Variants in ADARB1 observed in about 807,000 individuals in gnomAD.
ADARB1 encodes the protein double-stranded RNA-specific editase 1.
A neutral mutation model predicts 52.4 loss-of-function variants in ADARB1; 10 were observed. That is an observed-to-expected ratio of 0.19 (90% CI 0.12 to 0.32). ADARB1 has a LOEUF of 0.32. Among genes scored for constraint, ADARB1 ranks in the 10% least tolerant of loss-of-function variants. The pLI, the probability that ADARB1 is intolerant of heterozygous loss-of-function variation, is 1.00. For synonymous variants in ADARB1, 349 were observed against 371.1 expected, an observed-to-expected ratio of 0.94 and a Z score of 0.68; for missense variants, 643 against 922.3, an observed-to-expected ratio of 0.70 and a Z score of 3.92.
chr21:45,163,632 G>C (rs3788170), intron 2 of ADARB1, among the ~76,000 whole-genome samples: 16,567 of 152,302 alleles, frequency 0.11, 1,263 homozygotes, highest in African/African-American at 0.21. Context: ...GGAATCCACA[G>C]CTCCATCCAC....
intron 1 of ADARB1, among the ~76,000 whole-genome samples, chr21:45,108,651 G>C (rs1018405984): frequency 6.6e-6 from 1 of 152,070 alleles, no homozygotes; most frequent in Admixed American, 6.5e-5. Context: ...TAAACCTAGG[G>C]GTTTAAATTT....
chr21:45,167,125 G>C (rs1292145408), intron 2 of ADARB1, among the ~76,000 whole-genome samples: 1 of 152,208 alleles, frequency 6.6e-6, no homozygotes, highest in Non-Finnish European at 1.5e-5. Context: ...GAGATTTGTA[G>C]CTCCCATTCT....
At chr21:45,207,451 G>A (rs2092687638) in intron 9 of ADARB1, among the ~76,000 whole-genome samples, 1 of 152,170 alleles carries the variant, frequency 6.6e-6, no homozygotes, top group Non-Finnish European at 1.5e-5. Context: ...TGAAGCCGAA[G>A]GCAAGTAATG....
intron 8 of ADARB1, among the ~76,000 whole-genome samples, chr21:45,189,394 G>A (rs1438926885): frequency 6.6e-6 from 1 of 152,048 alleles, no homozygotes; most frequent in Non-Finnish European, 1.5e-5. Flanking sequence ...TGTTATTGAA[G>A]TCACAAATTA....
intron 2 of ADARB1, among the ~76,000 whole-genome samples, chr21:45,161,434 G>A (rs1221953784): frequency 6.6e-6 from 1 of 152,234 alleles, no homozygotes; most frequent in East Asian, 1.9e-4. Flanking sequence ...GCCGAGCTGG[G>A]ACACTGTCAC....
chr21:45,199,841 A>G (rs1467937794), intron 8 of ADARB1, among the ~76,000 whole-genome samples: 1 of 152,216 alleles, frequency 6.6e-6, no homozygotes, highest in African/African-American at 2.4e-5. Flanking sequence ...GCACAAAGCC[A>G]TCCATTTGGA....
chr21:45,096,476 G>A (rs1054365381), intron 1 of ADARB1, among the ~76,000 whole-genome samples: 5 of 152,194 alleles, frequency 3.3e-5, no homozygotes, highest in Non-Finnish European at 7.3e-5. Context: ...ACACTGCCCT[G>A]CCCTGAGGCT....
intron 2 of ADARB1, among the ~76,000 whole-genome samples, chr21:45,161,618 T>C (rs1405262571): frequency 1.3e-5 from 2 of 152,186 alleles, no homozygotes; most frequent in Non-Finnish European, 2.9e-5. Flanking sequence ...CTGGATGCCA[T>C]GCACACTGTG....
intron 1 of ADARB1, among the ~76,000 whole-genome samples, chr21:45,110,309 T>C (rs1407541593): frequency 6.6e-6 from 1 of 152,224 alleles, no homozygotes; most frequent in African/African-American, 2.4e-5. Flanking sequence ...CATCTGTTTA[T>C]TCTATGAAAT....
intron 9 of ADARB1, among the ~76,000 whole-genome samples, chr21:45,214,149 G>A (rs1354643594): frequency 6.6e-6 from 1 of 152,154 alleles, no homozygotes; most frequent in East Asian, 1.9e-4. Flanking sequence ...GAAGTTGAAT[G>A]CCCTTTCACA....
chr21:45,109,123 C>T (rs1377721970), intron 1 of ADARB1, among the ~76,000 whole-genome samples: 2 of 151,504 alleles, frequency 1.3e-5, no homozygotes, highest in Non-Finnish European at 3.0e-5. Context: ...GCGCTGCTGC[C>T]TCCTCCTGTA....
At chr21:45,173,117 T>C (rs962645321) in intron 3 of ADARB1, among the ~76,000 whole-genome samples, 3 of 152,252 alleles carry the variant, frequency 2.0e-5, no homozygotes, top group Non-Finnish European at 4.4e-5. Flanking sequence ...TTTGTGATCG[T>C]GTAGGTTCTG....
intron 9 of ADARB1, among the ~76,000 whole-genome samples, chr21:45,211,254 G>T (rs1023578360): frequency 6.6e-6 from 1 of 152,190 alleles, no homozygotes; most frequent in Non-Finnish European, 1.5e-5. Flanking sequence ...AGGCTCAAAG[G>T]TGCTCTGCTC....
At chr21:45,214,361 C>T (rs951825456) in intron 9 of ADARB1, among the ~76,000 whole-genome samples, 57 of 152,240 alleles carry the variant, frequency 3.7e-4, no homozygotes, top group African/African-American at 1.3e-3. Flanking sequence ...TAGTGTCTTA[C>T]GCAAACCACA....
chr21:45,077,184 G>A lies in ADARB1; in HGVS notation c.-220+2391G>A, dbSNP rs368164185. Among the ~76,000 whole-genome samples, 51 of 152,334 alleles carry A rather than the reference G, an allele frequency of 3.3e-4. No individual in the cohort carries two copies. The South Asian group carries it at 0.01, about 30-fold the overall frequency. On this transcript the variant is annotated intron_variant, in intron 1 of 10. Transcript: ENST00000348831. ...TTTCTTAGCTGTAAGTTTTACTTAA[G>A]AACTGGGTTTTATTCCCTTGAATGC...
rs2092357814 is a variant in ADARB1, at chr21:45,193,727, A to G, written c.1565+8636A>G. ...CAAAATGTAAAATACAAAATCAGTTATATTTTTTACACCTGCAACAAGCAG... is the reference window on the plus strand; with the variant it reads ...CAAAATGTAAAATACAAAATCAGTTGTATTTTTTACACCTGCAACAAGCAG... On this transcript the variant is annotated intron_variant, in intron 8 of 10. Coordinates refer to ENST00000348831, the MANE Select transcript of ADARB1 (RefSeq NM_001112.4). Among the ~76,000 whole-genome samples the G allele has an allele frequency of 2.0e-5, 3 of 152,364 alleles. No individual in the cohort carries two copies. The South Asian group carries it at 6.2e-4, about 32-fold the overall frequency.
At chr21:45,109,271 C>T (rs113868095) in intron 1 of ADARB1, among the ~76,000 whole-genome samples, 15 of 89,778 alleles carry the variant, frequency 1.7e-4, no homozygotes, top group South Asian at 3.9e-4. Context: ...GTGTGCACTG[C>T]GCGCGTGTGC....
chr21:45,137,624 G>C (rs576249992), intron 2 of ADARB1, among the ~76,000 whole-genome samples: 11 of 152,356 alleles, frequency 7.2e-5, no homozygotes, highest in Admixed American at 3.9e-4. Flanking sequence ...ATGGAGCTTG[G>C]CCTCTGCCTT....
Position 45,224,543 on chromosome 21 carries a change from C to A in ADARB1, c.*2346C>A. ...TGGGTTCGGGGAGCCCTGGGCGGGG[C>A]GGCTGTTGGGGGGAACTGGGTTCGG... On this transcript the variant is annotated 3_prime_UTR_variant, in exon 11 of 11. Transcript: ENST00000348831. 3.9e-6 allele frequency: 1 copy of A among 258,356 alleles called. No individual in the cohort carries two copies. The highest frequency in any genetic ancestry group is 4.3e-6 in the Non-Finnish European group (1 of 234,642). The allele number at this position is 258,356 out of a possible 1,614,324, so 16.0% of individuals were successfully genotyped here.
Sources: allele counts gnomAD v4.1 joint callset (sites outside exome capture counted in the v4.1 genomes callset), GRCh38; gene constraint gnomAD v4.1.1; transcripts MANE v1.5; gene names NCBI Gene and HGNC (gene_info 2026-07-23, HGNC 2026-07-21).